SPG7: variants seen among roughly 807,000 people sequenced by gnomAD.
SPG7 encodes the protein SPG7 matrix AAA peptidase subunit, paraplegin.
Under a neutral mutation model 81.9 loss-of-function variants are expected in SPG7, and 103 were observed. The observed-to-expected ratio is 1.26, with a 90% CI of 1.07 to 1.48. SPG7 has a LOEUF of 1.48. Ranked by LOEUF, SPG7 falls within the 40% of genes most tolerant of loss-of-function variation. The probability of loss-of-function intolerance (pLI) is 0.00; values close to 1 mark genes in which losing one functional copy is unlikely to be tolerated. For missense variants in SPG7, 1,241 were observed against 1,087.3 expected (o/e 1.14, Z -1.99); for synonymous variants, 534 against 444.2 (o/e 1.20, Z -2.54).
chr16:89,513,462 G>T (rs143093077), intron 3 of SPG7, among the ~76,000 whole-genome samples: 232 of 152,030 alleles, frequency 1.5e-3, no homozygotes, highest in African/African-American at 5.3e-3. Context: ...GTTGCTGTGA[G>T]TGGAGATCAT....
intron 9 of SPG7, chr16:89,541,470 G>T (rs1854274055): frequency 2.6e-6 from 1 of 388,714 alleles, no homozygotes; most frequent in Non-Finnish European, 3.5e-6. Context: ...CCAGGGAGGA[G>T]GGATGCCTCT....
intron 5 of SPG7, among the ~76,000 whole-genome samples, chr16:89,527,792 C>G (rs1399471523): frequency 6.6e-6 from 1 of 152,152 alleles, no homozygotes; most frequent in East Asian, 1.9e-4. Context: ...GGCAAGTACT[C>G]CCTTGATCAA....
intron 7 of SPG7, chr16:89,531,443 G>A (rs562337282): frequency 6.2e-5 from 12 of 193,544 alleles, no homozygotes; most frequent in East Asian, 1.3e-4. Context: ...GCACAATCTC[G>A]GCTCACTACA....
intron 9 of SPG7, chr16:89,537,221 G>A (rs2058437567): frequency 7.0e-7 from 1 of 1,426,952 alleles, no homozygotes; most frequent in African/African-American, 1.4e-5. Flanking sequence ...CACTGGGGAA[G>A]AGAAAAGCCC....
In SPG7 at chr16:89,530,754, G is replaced by A. The variant is rs1157953850; in HGVS notation, c.933G>A (p.Val311=). 2.5e-6 allele frequency: 4 copies of A among 1,614,204 alleles called. No homozygotes were observed. The highest frequency in any genetic ancestry group is 1.7e-4 in the Middle Eastern group (1 of 6,060). Residue 311 remains valine, a synonymous_variant, in exon 7 of 17, where the codon GTG becomes GTA. Transcript: ENST00000645818. ...GGAAAGGAGTCAGCTTCAAAGACGT[G>A]GCAGGAATGCACGAAGCCAAACTGG... is the stretch of plus-strand genomic sequence containing the variant. ...KMGKGVSFKD[V]AGMHEAKLEV...
intron 14 of SPG7, 71 bp from the exon 15 acceptor site, chr16:89,553,723 G>C (rs2058659975): frequency 5.3e-6 from 8 of 1,508,618 alleles, no homozygotes; most frequent in Non-Finnish European, 7.4e-6. Flanking sequence ...CTCTGACCGG[G>C]ACACCTGGGG....
intron 9 of SPG7, among the ~76,000 whole-genome samples, chr16:89,534,074 G>C (rs1440382062): frequency 6.6e-6 from 1 of 152,182 alleles, no homozygotes; most frequent in African/African-American, 2.4e-5. Flanking sequence ...TTGACATTCA[G>C]TATATTCGCA....
intron 3 of SPG7, among the ~76,000 whole-genome samples, chr16:89,516,568 A>G (rs2058099247): frequency 6.6e-6 from 1 of 152,012 alleles, no homozygotes; most frequent in Non-Finnish European, 1.5e-5. Context: ...ATAAAAAATT[A>G]AGAAAGAAAA....
intron 7 of SPG7, 168 bp from the exon 8 acceptor site, chr16:89,531,736 G>A (rs934035515): frequency 1.9e-5 from 13 of 686,256 alleles, no homozygotes; most frequent in African/African-American, 8.9e-5. Context: ...CCAGCTACTC[G>A]AGAGGCTGAG....
intron 13 of SPG7, 52 bp from the exon 14 acceptor site, chr16:89,552,927 C>G (rs1466383770): frequency 1.3e-6 from 2 of 1,597,846 alleles, no homozygotes; most frequent in Non-Finnish European, 1.7e-6. Flanking sequence ...CCTTCCTCCT[C>G]AAAGCCCACG....
At chr16:89,541,448 T>A in intron 9 of SPG7, 2 of 559,324 alleles carry the variant, frequency 3.6e-6, no homozygotes, top group Non-Finnish European at 4.5e-6. Flanking sequence ...TGTCAGCAGT[T>A]AGGGGAGGTC....
At chr16:89,556,634 C>T (rs2058689724) in intron 16 of SPG7, 1 of 517,476 alleles carries the variant, frequency 1.9e-6, no homozygotes, top group Non-Finnish European at 3.5e-6. Flanking sequence ...TTGCAGTTGC[C>T]AAAAATAAGC....
In SPG7 at chr16:89,547,096, C is replaced by G. The variant is rs372617455; in HGVS notation, c.1552+336C>G. On this transcript the variant is annotated intron_variant, in intron 11 of 16. Transcript: ENST00000645818. ...CCAGAGTCAGACCACGCAGTCCCGG[C>G]AAAGCCGCCTCCCTCTGACCCTCAC... 5.2e-5 allele frequency: 18 copies of G among 349,446 alleles called. No individual in the cohort carries two copies. The East Asian group carries it at 1.2e-3, about 24-fold the overall frequency. 21.6% of individuals were successfully genotyped at this position (349,446 alleles called of 1,614,324 possible).
rs556471475 is a variant in SPG7, at chr16:89,544,162, G to T, written c.1325-486G>T. 2.5e-5 allele frequency: 6 copies of T among 237,008 alleles called. No homozygotes were observed. In the South Asian group the frequency reaches 2.9e-4, roughly 11 times the overall value. 14.7% of individuals were successfully genotyped at this position (237,008 alleles called of 1,614,324 possible). ...TCACATACACCAGGGATCAGTGATC[G>T]TTTCTGGACTCACTTTTAAATTCTC... On this transcript the variant is annotated intron_variant, in intron 9 of 16. Coordinates refer to ENST00000645818, the MANE Select transcript of SPG7 (RefSeq NM_003119.4).
intron 16 of SPG7, chr16:89,554,860 C>T: frequency 2.9e-6 from 1 of 342,156 alleles, no homozygotes; most frequent in South Asian, 3.6e-5. Context: ...CCAAGTCTTA[C>T]ACTTTTTTCT....
chr16:89,536,539 CAGGTGAGGCAGGTGAGGT>C (rs2058423453), intron 9 of SPG7, among the ~76,000 whole-genome samples: 1 of 82,846 alleles, frequency 1.2e-5, no homozygotes, highest in Non-Finnish European at 2.5e-5. Context: ...CGGGTGAGGT[CAGGTGAGGCAGGTGAGGT>C]GAGGCGGGTG....
chr16:89,544,786 TC>T lies in SPG7; in HGVS notation c.1449+17del. The stretch of plus-strand genomic sequence containing the variant: ...CCCACGCTGCAGGTCAGAGCCAGGA[TC>T]CCAGCCTCTCCCACTCCACCTGGGC... On this transcript the variant is annotated intron_variant, in intron 10 of 16. Transcript: ENST00000645818. The T allele has an allele frequency of 6.2e-7, 1 of 1,613,590 alleles. No individual in the cohort carries two copies. Among genetic ancestry groups the T allele is most frequent in the South Asian group, 1.1e-5 (1 of 91,072 alleles).
At chr16:89,550,277 A>C (rs2058619514) in intron 12 of SPG7, 2 of 514,736 alleles carry the variant, frequency 3.9e-6, no homozygotes, top group Non-Finnish European at 7.2e-6. Context: ...GGTTCAAGTG[A>C]TTCTCTTGCC....
chr16:89,555,327 T>G (rs1435932862), intron 16 of SPG7: 1 of 152,538 alleles, frequency 6.6e-6, no homozygotes, highest in African/African-American at 2.4e-5. Flanking sequence ...GTGATCCGCC[T>G]GCCTCGGCCT....
Sources: allele counts gnomAD v4.1 joint callset (sites outside exome capture counted in the v4.1 genomes callset), GRCh38; gene constraint gnomAD v4.1.1; transcripts MANE v1.5; gene names NCBI Gene and HGNC (gene_info 2026-07-23, HGNC 2026-07-21).